The following IFT74 variants were observed in gnomAD, a reference collection of about 807,000 sequenced individuals.
IFT74 encodes intraflagellar transport protein 74 homolog.
IFT74 carries 92 observed loss-of-function variants against 96.7 expected under a neutral mutation model. That is an observed-to-expected ratio of 0.95 (90% CI 0.80 to 1.13). The LOEUF is 1.13. IFT74 is among the 50% of genes most tolerant of loss of function. The pLI is 0.00. For synonymous variants in IFT74, 223 were observed against 213.2 expected (o/e 1.05, Z -0.40); for missense variants, 811 against 698.2 (o/e 1.16, Z -1.82).
intron 10 of IFT74, among the ~76,000 whole-genome samples, chr9:27,013,835 C>A (rs2131611836): frequency 6.6e-6 from 1 of 152,282 alleles, no homozygotes; most frequent in East Asian, 1.9e-4. Context: ...TGATAGATTG[C>A]TGACACCCTA....
chr9:26,963,830 T>C (rs544877565), intron 2 of IFT74, among the ~76,000 whole-genome samples: 344 of 152,338 alleles, frequency 2.3e-3, no homozygotes, highest in Admixed American at 6.6e-3. Flanking sequence ...TGTAAATTTG[T>C]TGGAGTTCAT....
At chr9:27,006,463 G>T (rs1010477715) in intron 8 of IFT74, among the ~76,000 whole-genome samples, 1 of 151,986 alleles carries the variant, frequency 6.6e-6, no homozygotes, top group Non-Finnish European at 1.5e-5. Context: ...ACATTAGCAG[G>T]GCATGGTGTT....
intron 12 of IFT74, among the ~76,000 whole-genome samples, chr9:27,020,037 G>A (rs573424251): frequency 6.6e-6 from 1 of 150,498 alleles, no homozygotes; most frequent in Non-Finnish European, 1.5e-5. Flanking sequence ...ATGCAGTGGT[G>A]CAATCTTGGC....
rs575098201 is a variant in IFT74 at position 27,040,303 on chromosome 9, C to T, written c.1055-4439C>T. Among the ~76,000 whole-genome samples, 32 of 152,214 alleles carry T rather than the reference C, an allele frequency of 2.1e-4. No individual in the cohort carries two copies. In the East Asian group the frequency reaches 6.0e-3, roughly 29 times the overall value. On this transcript the variant is annotated intron_variant, in intron 13 of 19. Transcript: ENST00000380062. The stretch of plus-strand genomic sequence containing the variant: ...CAGTGGCTCACGCCTGTAATCCCAG[C>T]ACTCTGGGAGGCTGAAGTGGGGGGA...
intron 13 of IFT74, among the ~76,000 whole-genome samples, chr9:27,040,325 G>A (rs1188487846): frequency 6.6e-6 from 1 of 151,902 alleles, no homozygotes; most frequent in Non-Finnish European, 1.5e-5. Flanking sequence ...CTGAAGTGGG[G>A]GGATCACTTG....
intron 2 of IFT74, among the ~76,000 whole-genome samples, chr9:26,973,783 C>T (rs1038147873): frequency 6.6e-6 from 1 of 152,108 alleles, no homozygotes; most frequent in Admixed American, 6.5e-5. Context: ...GTGAGACAAA[C>T]AGAGGAGTGA....
Position 26,962,086 on chromosome 9 carries a change from CA to C in IFT74, c.120del (p.Met41CysfsTer15). The part of the protein sequence containing the change: ...PLSGNIRVAT[A>X]MPPGTARPGS... ...TCAGGAAATATTCGAGTGGCAACTG[CA>C]GTAAGTTTGAAACAAATCTATTTAC... On this transcript the variant is annotated frameshift_variant and splice_region_variant, in exon 2 of 20. Transcript: ENST00000380062. LOFTEE classifies it high-confidence loss of function. 6.2e-7 allele frequency: 1 copy of C among 1,614,026 alleles called. No homozygotes were observed. Among genetic ancestry groups the C allele is most frequent in the Non-Finnish European group, 8.5e-7 (1 of 1,179,964 alleles).
In IFT74 at chr9:27,001,001, T is replaced by C. The variant is rs1380410702; in HGVS notation, c.588-8019T>C. The stretch of plus-strand genomic sequence containing the variant: ...CCTCTGGTAACCACTAGTCTACTCT[T>C]AATCTATATGAGGTCCACTTTTTTA... On this transcript the variant is annotated intron_variant, in intron 8 of 19. Coordinates refer to ENST00000380062, the MANE Select transcript of IFT74 (RefSeq NM_025103.4). 2.0e-5 allele frequency among the ~76,000 whole-genome samples: 3 copies of C among 152,188 alleles called. No individual in the cohort carries two copies. In the East Asian group the frequency reaches 5.8e-4, roughly 29 times the overall value.
Position 26,956,419 on chromosome 9 carries a change from G to C in IFT74, c.-117G>C, listed in dbSNP as rs956433184. 1 of 152,260 alleles carries C rather than the reference G, an allele frequency of 6.6e-6. No homozygotes were observed. Among genetic ancestry groups the C allele is most frequent in the African/African-American group, 2.4e-5 (1 of 41,464 alleles). The allele number at this position is 152,260 out of a possible 1,614,324, so 9.4% of individuals were successfully genotyped here. ...TACGCCGCGGCGCACGGCAGTTAGTGGGTAGGCCTGAGAGCCGAGGAAAAC... is the reference window on the plus strand; with the variant it reads ...TACGCCGCGGCGCACGGCAGTTAGTCGGTAGGCCTGAGAGCCGAGGAAAAC... On this transcript the variant is annotated 5_prime_UTR_variant, in exon 1 of 20. Transcript: ENST00000380062.
intron 8 of IFT74, chr9:26,996,319 CTTG>C (rs1462099395): frequency 6.3e-7 from 1 of 1,580,854 alleles, no homozygotes; most frequent in Non-Finnish European, 8.6e-7. Context: ...ACCTGAATTT[CTTG>C]TTAAGTTGTT....
In IFT74 at chr9:27,048,227, C is replaced by T; in HGVS notation, c.1286C>T (p.Ser429Phe). The change falls in exon 16 of 20, where the codon TCT (serine) becomes TTT (phenylalanine). Residue 429 changes from serine (S) to phenylalanine (F), a missense_variant. Ser to Phe is a radical substitution (Grantham distance 155). Transcript: ENST00000380062. ...KMMQDDLNFK[S>F]TEVQKSQSTA... The stretch of plus-strand genomic sequence containing the variant: ...ATGCAGGATGACCTCAATTTTAAAT[C>T]TACTGAAGTGCAGAAATCACAAAGT... 2 of 1,608,104 alleles carry T rather than the reference C, an allele frequency of 1.2e-6. No individual in the cohort carries two copies. Among genetic ancestry groups the T allele is most frequent in the East Asian group, 2.2e-5 (1 of 44,656 alleles).
intron 8 of IFT74, chr9:26,998,160 T>G: frequency 1.9e-6 from 3 of 1,600,134 alleles, no homozygotes; most frequent in Non-Finnish European, 2.6e-6. Context: ...TGGTTATAAC[T>G]GAGATCAAGT....
rs767241492 is a variant in IFT74 at position 27,036,509 on chromosome 9, G to A, written c.1054+7405G>A. On this transcript the variant is annotated intron_variant, in intron 13 of 19. Transcript: ENST00000380062. ...AAATACAGGAAGTTTCAAAAAGCAA[G>A]TTTGAACCTGCCATGTGCTAAGCAC... is the stretch of plus-strand genomic sequence containing the variant. 6 of 1,613,446 alleles carry A rather than the reference G, an allele frequency of 3.7e-6. No individual in the cohort carries two copies. The African/African-American group carries it at 8.0e-5, about 22-fold the overall frequency.
chr9:26,972,321 A>C (rs753529946), intron 2 of IFT74, among the ~76,000 whole-genome samples: 3 of 152,002 alleles, frequency 2.0e-5, no homozygotes, highest in Non-Finnish European at 4.4e-5. Context: ...TTTCCTCCGA[A>C]GTTTAACTTT....
chr9:27,017,050 G>A lies in IFT74; in HGVS notation c.933G>A (p.Gln311=). ...PMEEREKLLK[Q]IKDDNQEIAS... ...AAGAGAGAGAGAAATTACTTAAGCAGGTGGGCAAAACAAACATACTTATTT... is the reference window on the plus strand; with the variant it reads ...AAGAGAGAGAGAAATTACTTAAGCAAGTGGGCAAAACAAACATACTTATTT... The change falls in exon 11 of 20, where the codon CAG becomes CAA. Residue 311 remains glutamine, a splice_region_variant and synonymous_variant. Coordinates refer to ENST00000380062, the MANE Select transcript of IFT74 (RefSeq NM_025103.4). 6.3e-7 allele frequency: 1 copy of A among 1,596,988 alleles called. No homozygotes were observed. The highest frequency in any genetic ancestry group is 8.5e-7 in the Non-Finnish European group (1 of 1,174,436).
chr9:27,017,383 A>G (rs1829399669), intron 11 of IFT74, among the ~76,000 whole-genome samples: 1 of 151,850 alleles, frequency 6.6e-6, no homozygotes, highest in African/African-American at 2.4e-5. Flanking sequence ...CAACACACCA[A>G]TTTTTTATTT....
At chr9:27,029,789 A>C (rs533338239) in intron 13 of IFT74, among the ~76,000 whole-genome samples, 75 of 152,298 alleles carry the variant, frequency 4.9e-4, no homozygotes, top group African/African-American at 1.7e-3. Context: ...AATATAGTCA[A>C]CTACTAATGG....
At chr9:27,055,813 G>T in intron 17 of IFT74, 41 bp downstream of exon 17, 1 of 1,313,240 alleles carries the variant, frequency 7.6e-7, no homozygotes, top group Non-Finnish European at 1.0e-6. Context: ...AATTCAGATT[G>T]TTTTTTTCTT....
chr9:27,005,229 A>T (rs1828704936), intron 8 of IFT74, among the ~76,000 whole-genome samples: 1 of 151,858 alleles, frequency 6.6e-6, no homozygotes, highest in East Asian at 1.9e-4. Context: ...TCATCAACTC[A>T]TGGCCAGTCT....
Sources: gnomAD v4.1 joint callset for allele counts (sites outside exome capture counted in the v4.1 genomes callset) on GRCh38, gnomAD v4.1.1 for gene constraint, MANE v1.5 for transcripts, NCBI Gene and HGNC (gene_info 2026-07-23, HGNC 2026-07-21) for gene names.